The following BRINP3 variants were observed in gnomAD, a reference collection of about 807,000 sequenced individuals.
The protein encoded by BRINP3 is BMP/retinoic acid inducible neural specific 3.
In BRINP3, 19 loss-of-function variants were observed where a neutral mutation model predicts 71.0. That is an observed-to-expected ratio of 0.27 (90% CI 0.19 to 0.39). BRINP3 has a LOEUF of 0.39. Ranked by LOEUF, BRINP3 falls within the 10% of genes least tolerant of loss-of-function variation. The pLI is 1.00. For missense variants in BRINP3, 959 were observed against 940.8 expected (o/e 1.02, Z -0.25); for synonymous variants, 380 against 337.7 (o/e 1.13, Z -1.37).
intron 6 of BRINP3, among the ~76,000 whole-genome samples, chr1:190,199,201 C>T (rs1422684657): frequency 6.6e-6 from 1 of 152,110 alleles, no homozygotes; most frequent in African/African-American, 2.4e-5. Context: ...CAATTACCTC[C>T]CACTGGGTCC....
In BRINP3 at chr1:190,387,659, C is replaced by A. The variant is rs183750425; in HGVS notation, c.236+66996G>T. On this transcript the variant is annotated intron_variant, in intron 2 of 7. Coordinates refer to ENST00000367462, the MANE Select transcript of BRINP3 (RefSeq NM_199051.3). ...CCTGATTATTCTATTTTTCCGGTTGCTTTTCCTATGTCTCATTTGTTTGCT... is the reference window on the plus strand; with the variant it reads ...CCTGATTATTCTATTTTTCCGGTTGATTTTCCTATGTCTCATTTGTTTGCT... 1.0e-3 allele frequency among the ~76,000 whole-genome samples: 152 copies of A among 151,802 alleles called. 1 individual carries two copies. The highest frequency in any genetic ancestry group is 1.7e-3 in the South Asian group (8 of 4,812).
chr1:190,282,609 A>C (rs1012187568), intron 2 of BRINP3, among the ~76,000 whole-genome samples: 10 of 152,138 alleles, frequency 6.6e-5, no homozygotes, highest in South Asian at 4.1e-4. Flanking sequence ...TTAATTAAAC[A>C]CTTTATACAC....
chr1:190,360,360 C>G (rs1669059176), intron 2 of BRINP3, among the ~76,000 whole-genome samples: 1 of 152,128 alleles, frequency 6.6e-6, no homozygotes, highest in South Asian at 2.1e-4. Context: ...GGAAGCAGGA[C>G]TATCTCAACA....
intron 2 of BRINP3, among the ~76,000 whole-genome samples, chr1:190,454,019 C>T (rs1389814744): frequency 6.6e-6 from 1 of 152,168 alleles, no homozygotes; most frequent in Non-Finnish European, 1.5e-5. Context: ...ATCAGGTGAA[C>T]AGGCAACCTT....
At chr1:190,314,022 C>T (rs972335833) in intron 2 of BRINP3, among the ~76,000 whole-genome samples, 2 of 151,912 alleles carry the variant, frequency 1.3e-5, no homozygotes, top group Non-Finnish European at 2.9e-5. Flanking sequence ...AGTCACCCAG[C>T]ACACTTAAGG....
At chr1:190,393,320 G>T (rs1671369301) in intron 2 of BRINP3, among the ~76,000 whole-genome samples, 1 of 151,570 alleles carries the variant, frequency 6.6e-6, no homozygotes. Flanking sequence ...GTATTACTAT[G>T]CTAACCCAAC....
intron 2 of BRINP3, among the ~76,000 whole-genome samples, chr1:190,399,399 G>C (rs1671785072): frequency 6.6e-6 from 1 of 151,928 alleles, no homozygotes; most frequent in African/African-American, 2.4e-5. Context: ...GATCCTTTGT[G>C]CCCTTTCATC....
chr1:190,436,382 A>G (rs1674454948), intron 2 of BRINP3, among the ~76,000 whole-genome samples: 1 of 151,846 alleles, frequency 6.6e-6, no homozygotes, highest in Non-Finnish European at 1.5e-5. Context: ...CGCCAGAGCC[A>G]AGGATCTTAA....
chr1:190,324,342 C>G (rs1447449939), intron 2 of BRINP3, among the ~76,000 whole-genome samples: 1 of 151,834 alleles, frequency 6.6e-6, no homozygotes, highest in Non-Finnish European at 1.5e-5. Context: ...ATCACACATG[C>G]CTGTCTCCAA....
At chr1:190,101,996 T>C (rs1182322730) in intron 7 of BRINP3, among the ~76,000 whole-genome samples, 1 of 152,160 alleles carries the variant, frequency 6.6e-6, no homozygotes, top group Non-Finnish European at 1.5e-5. Flanking sequence ...GTATGAATAC[T>C]GATAATTCAG....
intron 2 of BRINP3, among the ~76,000 whole-genome samples, chr1:190,358,163 A>C: frequency 6.6e-6 from 1 of 152,232 alleles, no homozygotes; most frequent in East Asian, 1.9e-4. Flanking sequence ...GACAAATAGG[A>C]TCTAATTAAA....
intron 2 of BRINP3, among the ~76,000 whole-genome samples, chr1:190,422,405 A>G (rs541217446): frequency 7.2e-5 from 11 of 152,018 alleles, no homozygotes; most frequent in Non-Finnish European, 1.5e-4. Context: ...AAAAGACATC[A>G]GAAAATTCAA....
chr1:190,134,566 A>G (rs1019816079), intron 7 of BRINP3, among the ~76,000 whole-genome samples: 24 of 152,126 alleles, frequency 1.6e-4, no homozygotes, highest in African/African-American at 5.8e-4. Context: ...AGGAAGACAT[A>G]TAATTATTCT....
chr1:190,111,845 A>G (rs1652726071), intron 7 of BRINP3, among the ~76,000 whole-genome samples: 1 of 152,168 alleles, frequency 6.6e-6, no homozygotes, highest in African/African-American at 2.4e-5. Flanking sequence ...AAGAAAAATT[A>G]AGAACCTTCT....
chr1:190,263,487 T>G, intron 4 of BRINP3, among the ~76,000 whole-genome samples: 1 of 152,138 alleles, frequency 6.6e-6, no homozygotes, highest in East Asian at 1.9e-4. Context: ...ACATCACCTT[T>G]AATTTTCTCC....
intron 2 of BRINP3, among the ~76,000 whole-genome samples, chr1:190,338,691 A>G (rs1318924165): frequency 6.6e-6 from 1 of 151,430 alleles, no homozygotes; most frequent in Admixed American, 6.6e-5. Context: ...TTTTTTTCCT[A>G]GTGGGCTGTG....
intron 2 of BRINP3, among the ~76,000 whole-genome samples, chr1:190,398,197 T>C (rs1671701577): frequency 1.3e-5 from 2 of 151,942 alleles, no homozygotes; most frequent in South Asian, 4.1e-4. Context: ...TGAACATTAG[T>C]TCATGTTTCT....
intron 6 of BRINP3, among the ~76,000 whole-genome samples, chr1:190,169,731 T>G (rs982973073): frequency 6.6e-6 from 1 of 152,170 alleles, no homozygotes; most frequent in African/African-American, 2.4e-5. Flanking sequence ...TTATCAGGAA[T>G]TCTGTGTTGA....
intron 6 of BRINP3, among the ~76,000 whole-genome samples, chr1:190,170,952 A>G (rs1651955740): frequency 6.6e-6 from 1 of 152,102 alleles, no homozygotes; most frequent in South Asian, 2.1e-4. Context: ...AATAACCATG[A>G]CTTAGATATG....
Sources: allele counts gnomAD v4.1 joint callset (sites outside exome capture counted in the v4.1 genomes callset), GRCh38; gene constraint gnomAD v4.1.1; transcripts MANE v1.5; gene names NCBI Gene and HGNC (gene_info 2026-07-23, HGNC 2026-07-21).